RNF130: variants seen among roughly 807,000 people sequenced by gnomAD.
RNF130 encodes ring finger protein 130, also known as E3 ubiquitin-protein ligase RNF130.
RNF130 carries 21 observed loss-of-function variants against 44.6 expected under a neutral mutation model. That is an observed-to-expected ratio of 0.47 (90% confidence interval 0.33 to 0.68). RNF130 has a LOEUF of 0.68. Ranked by LOEUF, RNF130 falls within the 30% of genes least tolerant of loss-of-function variation. The pLI, the probability that RNF130 is intolerant of heterozygous loss-of-function variation, is 0.02. For synonymous variants in RNF130, 214 were observed against 210.4 expected (o/e 1.02, Z -0.15); for missense variants, 479 against 560.6 (o/e 0.85, Z 1.47).
intron 2 of RNF130, among the ~76,000 whole-genome samples, chr5:180,024,175 C>T (rs1287273242): frequency 6.6e-6 from 1 of 152,190 alleles, no homozygotes; most frequent in African/African-American, 2.4e-5. Context: ...AAAAGTATCA[C>T]AGCCAAGAGA....
exon 8 of RNF130, chr5:179,918,111 G>A (rs1023276944): frequency 1.3e-5 from 2 of 152,184 alleles, no homozygotes; most frequent in African/African-American, 4.8e-5. Flanking sequence ...ACAAAGACAG[G>A]CCATTCTGTA....
At chr5:179,993,160 C>T (rs1425215588) in intron 3 of RNF130, among the ~76,000 whole-genome samples, 5 of 152,204 alleles carry the variant, frequency 3.3e-5, no homozygotes, top group Admixed American at 1.3e-4. Context: ...GTCTTTGCTA[C>T]TGTGAATAGT....
intron 1 of RNF130, among the ~76,000 whole-genome samples, chr5:180,041,029 A>G (rs1048935527): frequency 5.9e-5 from 9 of 152,210 alleles, no homozygotes; most frequent in Non-Finnish European, 1.2e-4. Context: ...ATTCCTGTTC[A>G]TGTACTAGCC....
Position 180,019,842 on chromosome 5 carries a change from C to G in RNF130, c.443-6531G>C, listed in dbSNP as rs1296245791. ...GAAAAATAAAGTGCAAACTCTTTCA[C>G]TGGACACTCAAGCACTGGGGAGCCA... On this transcript the variant is annotated intron_variant, in intron 2 of 8. Coordinates refer to ENST00000521389, the MANE Select transcript of RNF130 (RefSeq NM_018434.6). Among the ~76,000 whole-genome samples, 3 of 152,210 alleles carry G rather than the reference C, an allele frequency of 2.0e-5. No individual in the cohort carries two copies. The East Asian group carries it at 5.8e-4, about 29-fold the overall frequency.
At chr5:179,954,214 TATAAC>T (rs1339857721), downstream of RNF130, among the ~76,000 whole-genome samples, 1 of 152,204 alleles carries the variant, frequency 6.6e-6, no homozygotes, top group African/African-American at 2.4e-5. Flanking sequence ...AACATAGAGT[TATAAC>T]ATAATCCAGC....
At chr5:179,944,756 CA>C (rs111393394) in intron 7 of RNF130, among the ~76,000 whole-genome samples, 8,468 of 140,256 alleles carry the variant, frequency 0.06, 787 homozygotes, top group African/African-American at 0.2. Flanking sequence ...GACCCTGTCT[CA>C]AAAAAAAAAA....
chr5:179,986,115 T>C (rs1251540427), intron 3 of RNF130, among the ~76,000 whole-genome samples: 3 of 152,256 alleles, frequency 2.0e-5, no homozygotes, highest in Admixed American at 6.5e-5. Context: ...CATTGGATAC[T>C]ACAGGTATGC....
chr5:179,981,527 GTACTT>G (rs1762841664), intron 3 of RNF130, among the ~76,000 whole-genome samples: 2 of 152,300 alleles, frequency 1.3e-5, no homozygotes, highest in African/African-American at 2.4e-5. Flanking sequence ...TCCATTACCA[GTACTT>G]TACTTCTATT....
At chr5:180,039,263 G>T (rs541963607) in intron 2 of RNF130, among the ~76,000 whole-genome samples, 1 of 150,950 alleles carries the variant, frequency 6.6e-6, no homozygotes, top group African/African-American at 2.4e-5. Context: ...TTTTTGAGAT[G>T]GAGTCTTGCT....
intron 6 of RNF130, among the ~76,000 whole-genome samples, chr5:179,969,945 C>T (rs1389550798): frequency 4.6e-5 from 7 of 152,034 alleles, no homozygotes; most frequent in East Asian, 1.9e-4. Context: ...GAGCCAAGAT[C>T]GTGCCATTGT....
At chr5:180,002,914 T>A (rs1763378287) in intron 3 of RNF130, among the ~76,000 whole-genome samples, 1 of 152,082 alleles carries the variant, frequency 6.6e-6, no homozygotes, top group Admixed American at 6.5e-5. Context: ...GTAACTCAGA[T>A]CTGGGTTGTT....
intron 7 of RNF130, among the ~76,000 whole-genome samples, chr5:179,933,119 AGGAC>A (rs1761833375): frequency 6.6e-6 from 1 of 152,168 alleles, no homozygotes; most frequent in Admixed American, 6.6e-5. Flanking sequence ...GATCCACAGA[AGGAC>A]TTGGGAAGTT....
intron 2 of RNF130, among the ~76,000 whole-genome samples, chr5:180,020,669 G>A (rs1366207244): frequency 6.6e-6 from 1 of 152,196 alleles, no homozygotes; most frequent in African/African-American, 2.4e-5. Flanking sequence ...CCACAGTACA[G>A]CACTTGAATG....
chr5:180,000,126 T>C lies in RNF130; in HGVS notation c.693+12935A>G, dbSNP rs573414048. ...ATGTATAACTTTCTCAATTTTTGTCTAGGAAAGACTATTTCACCCCCATTT... is the reference window on the plus strand; with the variant it reads ...ATGTATAACTTTCTCAATTTTTGTCCAGGAAAGACTATTTCACCCCCATTT... On this transcript the variant is annotated intron_variant, in intron 3 of 8. Transcript: ENST00000521389. Among the ~76,000 whole-genome samples the C allele has an allele frequency of 2.0e-5, 3 of 152,362 alleles. No homozygotes were observed. In the South Asian group the frequency reaches 6.2e-4, roughly 32 times the overall value.
intron 2 of RNF130, among the ~76,000 whole-genome samples, chr5:180,030,521 T>C (rs1489827895): frequency 6.6e-6 from 1 of 152,154 alleles, no homozygotes; most frequent in Non-Finnish European, 1.5e-5. Flanking sequence ...TAAAAATACA[T>C]GTTCCCTTTT....
chr5:179,965,075 G>C (rs10061208), intron 7 of RNF130, among the ~76,000 whole-genome samples: 2,427 of 152,262 alleles, frequency 0.016, 65 homozygotes, highest in African/African-American at 0.055. Context: ...CTACCTTGTA[G>C]AACTTCGTCA....
intron 1 of RNF130, among the ~76,000 whole-genome samples, chr5:180,044,688 TG>T (rs1174345827): frequency 2.0e-5 from 3 of 151,946 alleles, no homozygotes; most frequent in Non-Finnish European, 4.4e-5. Flanking sequence ...AAAAATTAGC[TG>T]GGCATGGTGG....
intron 4 of RNF130, 47 bp from the exon 5 acceptor site, chr5:179,978,332 T>A: frequency 7.8e-7 from 1 of 1,283,398 alleles, no homozygotes; most frequent in Non-Finnish European, 1.1e-6. Flanking sequence ...TGCAAGTATA[T>A]AAATGGTTGG....
chr5:179,927,959 C>CT (rs1176293700), intron 7 of RNF130, among the ~76,000 whole-genome samples: 2 of 152,094 alleles, frequency 1.3e-5, no homozygotes, highest in African/African-American at 4.8e-5. Flanking sequence ...TAGACTCTGT[C>CT]TGACACACAA....
Sources: gnomAD v4.1 joint callset for allele counts (sites outside exome capture counted in the v4.1 genomes callset) on GRCh38, gnomAD v4.1.1 for gene constraint, MANE v1.5 for transcripts, NCBI Gene and HGNC (gene_info 2026-07-23, HGNC 2026-07-21) for gene names.